DICER1: variants seen among roughly 807,000 people sequenced by gnomAD.
The protein encoded by DICER1 is dicer 1, ribonuclease III.
In DICER1, 43 loss-of-function variants were observed where a neutral mutation model predicts 194.1. The observed-to-expected ratio is 0.22, with a 90% confidence interval of 0.17 to 0.29. DICER1 has a LOEUF of 0.29. Among genes scored for constraint, DICER1 ranks in the 10% least tolerant of loss-of-function variants. The probability of loss-of-function intolerance (pLI) is 1.00; values close to 1 mark genes in which losing one functional copy is unlikely to be tolerated. For synonymous variants in DICER1, 832 were observed against 820.5 expected (o/e 1.01, Z -0.24); for missense variants, 1,608 against 2,317.0 (o/e 0.69, Z 6.28).
At chr14:95,145,743 G>T (rs767421799) in intron 1 of DICER1, among the ~76,000 whole-genome samples, 5 of 151,052 alleles carry the variant, frequency 3.3e-5, no homozygotes, top group Non-Finnish European at 5.9e-5. Context: ...CAAAACACAA[G>T]AACTATTTAT....
rs1030933640 is a variant in DICER1 at position 95,088,603 on chromosome 14, C to T, written c.*1895G>A. On this transcript the variant is annotated 3_prime_UTR_variant, in exon 27 of 27. Transcript: ENST00000343455. ...CAAATAGACATCTAAGGTTCCAAAT[C>T]GGAATTAAATATTTTTAAAACAAGT... is the stretch of plus-strand genomic sequence containing the variant. The T allele has an allele frequency of 4.3e-5, 10 of 231,674 alleles. No homozygotes were observed. Among genetic ancestry groups the T allele is most frequent in the Non-Finnish European group, 6.8e-5 (8 of 117,214 alleles). The allele number at this position is 231,674 out of a possible 1,614,324, so 14.4% of individuals were successfully genotyped here. A position where few individuals can be genotyped will look rare whatever the true frequency, so the allele number is the denominator to read the frequency against.
In DICER1 at chr14:95,153,433, G is replaced by T. The variant is rs150814734; in HGVS notation, c.-46+3797C>A. Reference sequence around the variant, plus strand: ...TTACTAAAGCTTTTCTATTATGCCTGAGGCTTTTATCCAGTTTCTCTAAAA... The same window carrying T: ...TTACTAAAGCTTTTCTATTATGCCTTAGGCTTTTATCCAGTTTCTCTAAAA... On this transcript the variant is annotated intron_variant, in intron 1 of 26. Transcript: ENST00000343455. 7.4e-3 allele frequency among the ~76,000 whole-genome samples: 1,120 copies of T among 152,344 alleles called. 13 individuals carry two copies. Among genetic ancestry groups the T allele is most frequent in the African/African-American group, 0.026 (1,084 of 41,582 alleles).
chr14:95,121,205 G>A (rs1013985776), intron 8 of DICER1, among the ~76,000 whole-genome samples: 6 of 152,032 alleles, frequency 3.9e-5, no homozygotes, highest in African/African-American at 4.8e-5. Flanking sequence ...AAAACAAGAC[G>A]GAAACTGAAA....
At chr14:95,119,784 G>T (rs1410837555) in intron 8 of DICER1, among the ~76,000 whole-genome samples, 1 of 152,156 alleles carries the variant, frequency 6.6e-6, no homozygotes. Flanking sequence ...CTAAGAAAAT[G>T]AAATTTAAAA....
Position 95,087,263 on chromosome 14 carries a change from T to A in DICER1, c.*3235A>T, listed in dbSNP as rs1889409007. ...AAAGTATTATTAACAAATAAAAATA[T>A]CAGTATTTTAAAAGACAATTACAGG... On this transcript the variant is annotated 3_prime_UTR_variant, in exon 27 of 27. Transcript: ENST00000343455. The A allele has an allele frequency of 4.3e-6, 1 of 233,132 alleles. No individual in the cohort carries two copies. The highest frequency in any genetic ancestry group is 8.5e-6 in the Non-Finnish European group (1 of 117,862). 14.4% of individuals were successfully genotyped at this position (233,132 alleles called of 1,614,324 possible). A position where few individuals can be genotyped will look rare whatever the true frequency, so the allele number is the denominator to read the frequency against.
chr14:95,096,129 A>G lies in DICER1; in HGVS notation c.4791T>C (p.Thr1597=), dbSNP rs1555367645. The change falls in exon 23 of 27, where the codon ACT becomes ACC. Residue 1597 remains threonine (T), a synonymous_variant. Coordinates refer to ENST00000343455, the MANE Select transcript of DICER1 (RefSeq NM_177438.3). ...TAGGGCACAGGGCCTTTTCCCGATCAGTCCTTTTAATTACCGGGAGCACCT... is the reference window on the plus strand; with the variant it reads ...TAGGGCACAGGGCCTTTTCCCGATCGGTCCTTTTAATTACCGGGAGCACCT... ...GLKVLPVIKR[T]DREKALCPTR... 1.9e-6 allele frequency: 3 copies of G among 1,614,234 alleles called. No homozygotes were observed. The highest frequency in any genetic ancestry group is 2.5e-6 in the Non-Finnish European group (3 of 1,180,040).
intron 21 of DICER1, 85 bp downstream of exon 21, chr14:95,103,261 C>T: frequency 1.1e-5 from 15 of 1,412,154 alleles, no homozygotes; most frequent in Non-Finnish European, 1.5e-5. Context: ...GATACGTTCT[C>T]ATCCTCTGAG....
rs371743241 is a variant in DICER1, at chr14:95,121,246, A to G, written c.1376+2950T>C. On this transcript the variant is annotated intron_variant, in intron 8 of 26. Coordinates refer to ENST00000343455, the MANE Select transcript of DICER1 (RefSeq NM_177438.3). ...TGACAGACCAGAGGAAACTGGGTAG[A>G]TACTGACAACTAAATGTGATATGAC... Among the ~76,000 whole-genome samples the G allele has an allele frequency of 5.3e-5, 8 of 152,360 alleles. No homozygotes were observed. The South Asian group carries it at 6.2e-4, about 12-fold the overall frequency.
chr14:95,112,825 C>T (rs1892094695), intron 12 of DICER1, among the ~76,000 whole-genome samples: 1 of 152,216 alleles, frequency 6.6e-6, no homozygotes, highest in Non-Finnish European at 1.5e-5. Context: ...CTTCAGAGAT[C>T]ACCTAGTCCA....
At chr14:95,130,308 C>A (rs1302408905) in intron 4 of DICER1, 116 bp from the exon 5 acceptor site, 2 of 1,008,670 alleles carry the variant, frequency 2.0e-6, no homozygotes, top group Admixed American at 2.1e-5. Context: ...ATTCATTAGT[C>A]AAAATTAAAA....
At chr14:95,139,352 G>GT (rs1341430456) in intron 1 of DICER1, among the ~76,000 whole-genome samples, 1 of 152,178 alleles carries the variant, frequency 6.6e-6, no homozygotes, top group Non-Finnish European at 1.5e-5. Context: ...ACCCTTACCT[G>GT]TATTACCCAC....
At chr14:95,115,955 T>C in intron 10 of DICER1, 134 bp from the exon 11 acceptor site, 1 of 860,178 alleles carries the variant, frequency 1.2e-6, no homozygotes, top group Admixed American at 2.0e-5. Flanking sequence ...TACTCCAAAG[T>C]AACCTGCTGC....
intron 1 of DICER1, among the ~76,000 whole-genome samples, chr14:95,148,488 C>T (rs1039909044): frequency 6.6e-6 from 1 of 152,194 alleles, no homozygotes; most frequent in South Asian, 2.1e-4. Context: ...ATAGTACCTA[C>T]AATTTAAACC....
Position 95,116,399 on chromosome 14 carries a change from C to T in DICER1, c.1752+54G>A, listed in dbSNP as rs1892467300. 3.8e-6 allele frequency: 6 copies of T among 1,589,828 alleles called. No homozygotes were observed. The African/African-American group carries it at 5.4e-5, about 14-fold the overall frequency. ...ATGGATACAAAGAATAACAAAGAAG[C>T]CACATTAATTTTTTTTCCCAATCTG... is the stretch of plus-strand genomic sequence containing the variant. On this transcript the variant is annotated intron_variant, in intron 10 of 26. Coordinates refer to ENST00000343455, the MANE Select transcript of DICER1 (RefSeq NM_177438.3).
Position 95,105,317 on chromosome 14 carries a change from T to A in DICER1, c.3094-71A>T. On this transcript the variant is annotated intron_variant, in intron 19 of 26. Transcript: ENST00000343455. The surrounding 1 kb of genome is among the most constrained non-coding windows in gnomAD (Gnocchi z 4.9). ...ACAAAAGAAAAAAAAAAAGACCAAT[T>A]TCACTAATGGATAAAGAAAATCATA... 2 of 1,309,906 alleles carry A rather than the reference T, an allele frequency of 1.5e-6. No individual in the cohort carries two copies. The highest frequency in any genetic ancestry group is 2.2e-6 in the Non-Finnish European group (2 of 910,530). 81.1% of individuals were successfully genotyped at this position (1,309,906 alleles called of 1,614,324 possible). A position where few individuals can be genotyped will look rare whatever the true frequency, so the allele number is the denominator to read the frequency against.
intron 8 of DICER1, among the ~76,000 whole-genome samples, chr14:95,123,425 G>C (rs1427352147): frequency 6.6e-6 from 1 of 152,064 alleles, no homozygotes; most frequent in Non-Finnish European, 1.5e-5. Flanking sequence ...CTGTGGCCTT[G>C]AAAACTTTAT....
chr14:95,156,776 C>A (rs1895902928), intron 1 of DICER1, among the ~76,000 whole-genome samples: 1 of 152,194 alleles, frequency 6.6e-6, no homozygotes, highest in Non-Finnish European at 1.5e-5. Flanking sequence ...TTCGTCCCCT[C>A]CGGGCGCGGC....
chr14:95,146,739 T>C lies in DICER1; in HGVS notation c.-46+10491A>G, dbSNP rs115054760. ...AGGCAGGCCAAGTGGGAGGGTAGCA[T>C]AGCCAAGCAAGGCCCGGACACGGGG... On this transcript the variant is annotated intron_variant, in intron 1 of 26. Coordinates refer to ENST00000343455, the MANE Select transcript of DICER1 (RefSeq NM_177438.3). Among the ~76,000 whole-genome samples the C allele has an allele frequency of 5.3e-3, 806 of 152,224 alleles. 3 individuals are homozygous for C. Among genetic ancestry groups the C allele is most frequent in the African/African-American group, 0.018 (746 of 41,532 alleles).
chr14:95,129,593 G>A lies in DICER1; in HGVS notation c.613C>T (p.Leu205=). The A allele has an allele frequency of 6.2e-7, 1 of 1,613,278 alleles. No homozygotes were observed. Among genetic ancestry groups the A allele is most frequent in the Non-Finnish European group, 8.5e-7 (1 of 1,179,890 alleles). The change falls in exon 6 of 27, where the codon CTA becomes TTA. Residue 205 remains leucine, a synonymous_variant. Transcript: ENST00000343455. Reference sequence around the variant, plus strand: ...TTCCCATTTAAAATGGAAGCAGTTAGTCCCAAAATGCGAGGACATGATGGA... The same window carrying A: ...TTCCCATTTAAAATGGAAGCAGTTAATCCCAAAATGCGAGGACATGATGGA... ...NCPSCPRILG[L]TASILNGKCD...
Sources: allele counts gnomAD v4.1 joint callset (sites outside exome capture counted in the v4.1 genomes callset), GRCh38; gene constraint gnomAD v4.1.1; non-coding constraint Gnocchi (gnomAD v3.1); transcripts MANE v1.5; gene names NCBI Gene and HGNC (gene_info 2026-07-23, HGNC 2026-07-21).